SIMC1: variants seen among roughly 807,000 people sequenced by gnomAD.
SIMC1 encodes the protein SUMO interacting motifs containing 1, also known as SUMO-interacting motif-containing protein 1.
A neutral mutation model predicts 82.3 loss-of-function variants in SIMC1; 55 were observed. The observed-to-expected ratio is 0.67, with a 90% CI of 0.54 to 0.84. The LOEUF (loss-of-function observed/expected upper bound fraction) is 0.84. Among genes scored for constraint, SIMC1 ranks in the 40% least tolerant of loss-of-function variants. SIMC1 has a pLI of 0.00. For synonymous variants in SIMC1, 353 were observed against 426.3 expected, an observed-to-expected ratio of 0.83 and a Z score of 2.12; for missense variants, 915 against 1,107.2, an observed-to-expected ratio of 0.83 and a Z score of 2.46.
chr5:176,289,539 T>C (rs1763448148), intron 1 of SIMC1, 115 bp from the exon 2 acceptor site: 6 of 782,874 alleles, frequency 7.7e-6, no homozygotes, highest in Middle Eastern at 2.6e-4. Context: ...GTGTAACTTA[T>C]CAGTGAGGTG....
At chr5:176,287,705 A>G (rs903865343) in intron 1 of SIMC1, among the ~76,000 whole-genome samples, 3 of 151,768 alleles carry the variant, frequency 2.0e-5, no homozygotes, top group African/African-American at 7.3e-5. Flanking sequence ...AATTGAAAGA[A>G]TAAAAAAAGA....
intron 9 of SIMC1, among the ~76,000 whole-genome samples, chr5:176,342,203 C>CA (rs1766179661): frequency 6.6e-6 from 1 of 152,116 alleles, no homozygotes; most frequent in South Asian, 2.1e-4. Context: ...TCAAAGTCTA[C>CA]AAAAAGGCTC....
intron 4 of SIMC1, among the ~76,000 whole-genome samples, chr5:176,310,071 A>T (rs946616892): frequency 6.6e-6 from 1 of 152,226 alleles, no homozygotes; most frequent in East Asian, 1.9e-4. Context: ...AAACTCCATA[A>T]GTCATCAGGG....
chr5:176,274,771 C>G (rs1020244117), intron 1 of SIMC1, among the ~76,000 whole-genome samples: 8 of 151,756 alleles, frequency 5.3e-5, no homozygotes, highest in African/African-American at 1.5e-4. Flanking sequence ...GAATCCTTTC[C>G]CCATTGCTTT....
intron 7 of SIMC1, among the ~76,000 whole-genome samples, chr5:176,331,904 G>A (rs7735989): frequency 0.53 from 79,992 of 151,512 alleles, 21,293 homozygotes; most frequent in Non-Finnish European, 0.57. Context: ...AGGAGGCCGA[G>A]GCTGCAGTGA....
chr5:176,257,676 A>G (rs1761890537), intron 1 of SIMC1, among the ~76,000 whole-genome samples: 1 of 152,170 alleles, frequency 6.6e-6, no homozygotes, highest in Non-Finnish European at 1.5e-5. Flanking sequence ...GGGAATACAT[A>G]CATATGTACG....
intron 9 of SIMC1, among the ~76,000 whole-genome samples, chr5:176,337,967 C>T (rs1581334460): frequency 6.6e-6 from 1 of 152,040 alleles, no homozygotes. Context: ...ATTTTATTAG[C>T]CAAGGATTAA....
rs757220165 is a variant in SIMC1, at chr5:176,337,044, A to G, written c.2329-18A>G. 1 of 1,612,960 alleles carries G rather than the reference A, an allele frequency of 6.2e-7. No individual in the cohort carries two copies. The highest frequency in any genetic ancestry group is 8.5e-7 in the Non-Finnish European group (1 of 1,179,436). On this transcript the variant is annotated intron_variant, in intron 8 of 9. Coordinates refer to ENST00000429602, the MANE Select transcript of SIMC1 (RefSeq NM_001308195.2). Reference sequence around the variant, plus strand: ...TGGGGAAGGCATTTATTATCAATCCATTTTACTATCTCTGCAGTCAGATAA... The same window carrying G: ...TGGGGAAGGCATTTATTATCAATCCGTTTTACTATCTCTGCAGTCAGATAA...
chr5:176,323,513 A>G (rs1337671454), intron 6 of SIMC1, among the ~76,000 whole-genome samples: 1 of 152,226 alleles, frequency 6.6e-6, no homozygotes, highest in African/African-American at 2.4e-5. Context: ...CAAAATAGAT[A>G]TTATTGCTCA....
At chr5:176,261,865 A>G (rs1252062847) in intron 1 of SIMC1, among the ~76,000 whole-genome samples, 1 of 152,208 alleles carries the variant, frequency 6.6e-6, no homozygotes, top group Non-Finnish European at 1.5e-5. Context: ...CCCCAGGCCC[A>G]GATGGGTTGG....
intron 1 of SIMC1, among the ~76,000 whole-genome samples, chr5:176,272,172 C>CAAAAAAAAA (rs1162307977): frequency 5.0e-4 from 10 of 19,970 alleles, no homozygotes; most frequent in Admixed American, 1.5e-3. Context: ...CCCATCTCTA[C>CAAAAAAAAA]AAAAAAAAAA....
chr5:176,274,512 A>C (rs1359542882), intron 1 of SIMC1, among the ~76,000 whole-genome samples: 1 of 151,802 alleles, frequency 6.6e-6, no homozygotes, highest in South Asian at 2.1e-4. Context: ...TAGTTTAATT[A>C]GATCCCATTT....
Position 176,255,856 on chromosome 5 carries a change from G to A in SIMC1, c.129+17219G>A, listed in dbSNP as rs1479979900. Reference sequence around the variant, plus strand: ...TTCAGTGTCAGGCCGTTAAAGCAGAGTTAGAGCTGGAGAAAAAAAGTTACA... The same window carrying A: ...TTCAGTGTCAGGCCGTTAAAGCAGAATTAGAGCTGGAGAAAAAAAGTTACA... On this transcript the variant is annotated intron_variant, in intron 1 of 9. Coordinates refer to ENST00000429602, the MANE Select transcript of SIMC1 (RefSeq NM_001308195.2). 3.3e-5 allele frequency among the ~76,000 whole-genome samples: 5 copies of A among 151,914 alleles called. No individual in the cohort carries two copies. In the East Asian group the frequency reaches 9.7e-4, roughly 29 times the overall value.
At chr5:176,282,135 G>A (rs559937632) in intron 1 of SIMC1, among the ~76,000 whole-genome samples, 211 of 152,362 alleles carry the variant, frequency 1.4e-3, no homozygotes, top group African/African-American at 4.7e-3. Flanking sequence ...CTGGGCAATG[G>A]CGGGCGCCCC....
chr5:176,302,585 TCCAAATTA>T, intron 4 of SIMC1, among the ~76,000 whole-genome samples: 1 of 151,938 alleles, frequency 6.6e-6, no homozygotes, highest in Admixed American at 6.6e-5. Flanking sequence ...ATAAAGGGCA[TCCAAATTA>T]GAAAGGGAGA....
At chr5:176,275,749 G>T (rs1165768461) in intron 1 of SIMC1, among the ~76,000 whole-genome samples, 3 of 151,672 alleles carry the variant, frequency 2.0e-5, no homozygotes, top group African/African-American at 7.3e-5. Context: ...TTTGTCTTTG[G>T]TTCTGTTTAT....
rs1174723099 is a variant in SIMC1, at chr5:176,305,530, TG to T, written c.1735-8154del. The stretch of plus-strand genomic sequence containing the variant: ...CCAGCCACCCCGTCTGGGAGGGAGG[TG>T]GGGGGGTCAGCCCCCCGCCTGGCCA... On this transcript the variant is annotated intron_variant, in intron 4 of 9. Transcript: ENST00000429602. 1.9e-4 allele frequency among the ~76,000 whole-genome samples: 10 copies of T among 52,546 alleles called. No individual in the cohort carries two copies. In the South Asian group the frequency reaches 2.5e-3, roughly 13 times the overall value. 34.5% of individuals were successfully genotyped at this position (52,546 alleles called of 152,430 possible).
intron 1 of SIMC1, among the ~76,000 whole-genome samples, chr5:176,245,269 A>G (rs1383085997): frequency 6.6e-6 from 1 of 152,226 alleles, no homozygotes; most frequent in Non-Finnish European, 1.5e-5. Context: ...GAAGAACGCC[A>G]TGTGACAGTG....
chr5:176,283,744 G>A (rs774175131), intron 1 of SIMC1, among the ~76,000 whole-genome samples: 1 of 150,182 alleles, frequency 6.7e-6, no homozygotes. Context: ...TGAATAAAGA[G>A]TCAAGACCCA....
Sources: allele counts gnomAD v4.1 joint callset (sites outside exome capture counted in the v4.1 genomes callset), GRCh38; gene constraint gnomAD v4.1.1; transcripts MANE v1.5; gene names NCBI Gene and HGNC (gene_info 2026-07-23, HGNC 2026-07-21).